Variants in PARN observed in about 807,000 individuals in gnomAD.
The protein encoded by PARN is poly(A)-specific ribonuclease PARN.
Under a neutral mutation model 102.8 loss-of-function variants are expected in PARN, and 71 were observed. The ratio of observed to expected loss-of-function variants is 0.69; its 90% CI spans 0.57 to 0.84. The LOEUF is 0.84. Among genes scored for constraint, PARN ranks in the 40% least tolerant of loss-of-function variants. The probability of loss-of-function intolerance (pLI) is 0.00; values close to 1 mark genes in which losing one functional copy is unlikely to be tolerated. For synonymous variants in PARN, 261 were observed against 252.9 expected (o/e 1.03, Z -0.30); for missense variants, 782 against 760.9 (o/e 1.03, Z -0.33).
chr16:14,459,975 T>C (rs1484133640), intron 22 of PARN, among the ~76,000 whole-genome samples: 1 of 152,180 alleles, frequency 6.6e-6, no homozygotes, highest in Non-Finnish European at 1.5e-5. Context: ...TAACCGTATA[T>C]AAAAATTAAC....
intron 11 of PARN, among the ~76,000 whole-genome samples, chr16:14,602,675 A>C (rs1313970846): frequency 6.6e-6 from 1 of 152,004 alleles, no homozygotes; most frequent in African/African-American, 2.4e-5. Flanking sequence ...ACACATCAGG[A>C]GGGAAGGGTG....
At chr16:14,535,267 A>G (rs566015018) in intron 21 of PARN, among the ~76,000 whole-genome samples, 2 of 152,344 alleles carry the variant, frequency 1.3e-5, no homozygotes, top group East Asian at 3.9e-4. Context: ...CACCACTGCC[A>G]TCAATTTTAA....
chr16:14,511,964 T>C (rs543772967), intron 21 of PARN, among the ~76,000 whole-genome samples: 2 of 152,194 alleles, frequency 1.3e-5, no homozygotes, highest in African/African-American at 2.4e-5. Flanking sequence ...ACTGGGATTA[T>C]AGGTGTGAGT....
At chr16:14,449,604 G>GATAAAGGGTTAATGTCTCTAATAAATT (rs1961362022) in intron 22 of PARN, among the ~76,000 whole-genome samples, 1 of 152,094 alleles carries the variant, frequency 6.6e-6, no homozygotes, top group East Asian at 1.9e-4. Flanking sequence ...ATGTATCACA[G>GATAAAGGGTTAATGTCTCTAATAAATT]ATAAAGGGTT....
At chr16:14,444,624 G>C (rs1453651989) in intron 23 of PARN, among the ~76,000 whole-genome samples, 6 of 152,176 alleles carry the variant, frequency 3.9e-5, no homozygotes, top group Admixed American at 2.6e-4. Context: ...AAATCCAGAA[G>C]AGACAGCTAT....
intron 22 of PARN, among the ~76,000 whole-genome samples, chr16:14,478,747 G>GT (rs1963211925): frequency 6.6e-6 from 1 of 152,170 alleles, no homozygotes; most frequent in Non-Finnish European, 1.5e-5. Context: ...AATTTAAAAA[G>GT]GTTGCAAAAT....
chr16:14,609,060 G>T lies in PARN; in HGVS notation c.618C>A (p.Thr206=). 2 of 1,562,196 alleles carry T rather than the reference G, an allele frequency of 1.3e-6. No individual in the cohort carries two copies. Among genetic ancestry groups the T allele is most frequent in the Non-Finnish European group, 1.8e-6 (2 of 1,138,982 alleles). The stretch of plus-strand genomic sequence containing the variant: ...CAGAAATGTTCAGGACAACTAACCC[G>T]GTACATGGCTCTAAATCCAAGTTCT... ...ENKNLDLEPC[T]GFQRKLIYQT... is the part of the protein sequence containing the mutation. Residue 206 remains threonine, a splice_region_variant and synonymous_variant, in exon 8 of 24, where the codon ACC becomes ACA. Transcript: ENST00000437198.
At chr16:14,455,430 T>A (rs1255237877) in intron 22 of PARN, among the ~76,000 whole-genome samples, 1 of 152,238 alleles carries the variant, frequency 6.6e-6, no homozygotes. Context: ...ATCTTCTCTT[T>A]ACATTTCTCC....
chr16:14,545,441 AAAG>A (rs1450515769), intron 21 of PARN, among the ~76,000 whole-genome samples: 1 of 152,250 alleles, frequency 6.6e-6, no homozygotes, highest in Non-Finnish European at 1.5e-5. Flanking sequence ...ATCCAGGATC[AAAG>A]AAGAAATCAC....
At chr16:14,516,750 A>T (rs890914529) in intron 21 of PARN, among the ~76,000 whole-genome samples, 14 of 152,232 alleles carry the variant, frequency 9.2e-5, no homozygotes, top group African/African-American at 3.4e-4. Flanking sequence ...CATGGAACAA[A>T]CATCATCGTA....
rs144857794 is a variant in PARN, at chr16:14,608,985, T to C, written c.620+73A>G. 7,104 of 759,870 alleles carry C rather than the reference T, an allele frequency of 9.3e-3. 45 individuals carry two copies. The highest frequency in any genetic ancestry group is 0.013 in the Non-Finnish European group (5,595 of 441,184). 47.1% of individuals were successfully genotyped at this position (759,870 alleles called of 1,614,324 possible). On this transcript the variant is annotated intron_variant, in intron 8 of 23. Coordinates refer to ENST00000437198, the MANE Select transcript of PARN (RefSeq NM_002582.4). Reference sequence around the variant, plus strand: ...CTTTATAAAGCTGTTTTTAAAAGACTAGATGCATCAAATGCCACAAACCAT... The same window carrying C: ...CTTTATAAAGCTGTTTTTAAAAGACCAGATGCATCAAATGCCACAAACCAT...
At chr16:14,511,492 T>C (rs1965187899) in intron 21 of PARN, among the ~76,000 whole-genome samples, 1 of 151,984 alleles carries the variant, frequency 6.6e-6, no homozygotes, top group South Asian at 2.1e-4. Context: ...GCAGATAAAT[T>C]CCTACACTAG....
intron 21 of PARN, among the ~76,000 whole-genome samples, chr16:14,525,460 T>C (rs1386916733): frequency 6.6e-6 from 1 of 152,076 alleles, no homozygotes; most frequent in Non-Finnish European, 1.5e-5. Flanking sequence ...TGCACAAACA[T>C]TCCATTCAAA....
chr16:14,508,197 T>C (rs953457066), intron 21 of PARN, among the ~76,000 whole-genome samples: 9 of 146,590 alleles, frequency 6.1e-5, no homozygotes, highest in African/African-American at 1.8e-4. Context: ...GGCAGATAGA[T>C]AGATAGATAG....
At chr16:14,505,380 G>A (rs1964839635) in intron 21 of PARN, among the ~76,000 whole-genome samples, 1 of 152,224 alleles carries the variant, frequency 6.6e-6, no homozygotes, top group African/African-American at 2.4e-5. Context: ...CAGAGGCTGA[G>A]GTGGGAGGAC....
intron 21 of PARN, among the ~76,000 whole-genome samples, chr16:14,487,676 G>GA (rs964080063): frequency 2.6e-5 from 4 of 151,742 alleles, no homozygotes; most frequent in East Asian, 1.9e-4. Context: ...TTAAAAGTAA[G>GA]AAAAAAAAAT....
At chr16:14,533,959 C>T (rs1966495305) in intron 21 of PARN, among the ~76,000 whole-genome samples, 2 of 152,180 alleles carry the variant, frequency 1.3e-5, no homozygotes, top group Non-Finnish European at 2.9e-5. Context: ...TGGTGGCTCA[C>T]GCCTGTAATC....
At chr16:14,630,010 C>G in intron 1 of PARN, 97 bp downstream of exon 1, 1 of 1,154,636 alleles carries the variant, frequency 8.7e-7, no homozygotes, top group Non-Finnish European at 1.3e-6. Context: ...GCTGCCTCAG[C>G]CCCAGGCCCA....
At chr16:14,526,418 C>A (rs1191385357) in intron 21 of PARN, among the ~76,000 whole-genome samples, 1 of 149,670 alleles carries the variant, frequency 6.7e-6, no homozygotes, top group Non-Finnish European at 1.5e-5. Flanking sequence ...ACCTCGTGAT[C>A]CACCCACCTC....
Sources: gnomAD v4.1 joint callset for allele counts (sites outside exome capture counted in the v4.1 genomes callset) on GRCh38, gnomAD v4.1.1 for gene constraint, MANE v1.5 for transcripts, NCBI Gene and HGNC (gene_info 2026-07-23, HGNC 2026-07-21) for gene names.